The following ARHGEF12 variants were observed in gnomAD, a reference collection of about 807,000 sequenced individuals.
ARHGEF12 encodes the protein Rho guanine nucleotide exchange factor 12.
ARHGEF12 carries 66 observed loss-of-function variants against 211.2 expected under a neutral mutation model. The ratio of observed to expected loss-of-function variants is 0.31; its 90% CI spans 0.26 to 0.38. The LOEUF (loss-of-function observed/expected upper bound fraction) is 0.38, where lower values mean the gene tolerates loss of function less well. ARHGEF12 is among the 10% of genes least tolerant of loss of function. The pLI is 1.00. For missense variants in ARHGEF12, 1,429 were observed against 1,869.5 expected (o/e 0.76, Z 4.34); for synonymous variants, 592 against 638.4 (o/e 0.93, Z 1.09).
At chr11:120,388,612 C>T (rs1944113396) in intron 1 of ARHGEF12, among the ~76,000 whole-genome samples, 1 of 152,236 alleles carries the variant, frequency 6.6e-6, no homozygotes, top group Non-Finnish European at 1.5e-5. Context: ...TGCACAACTT[C>T]ATTAATAGTT....
chr11:120,445,905 A>T (rs949514200), intron 16 of ARHGEF12, among the ~76,000 whole-genome samples: 1 of 151,038 alleles, frequency 6.6e-6, no homozygotes, highest in Admixed American at 6.6e-5. Flanking sequence ...GTCTCAAAAA[A>T]AATAATAATA....
At chr11:120,365,338 A>G (rs1591505083) in intron 1 of ARHGEF12, among the ~76,000 whole-genome samples, 1 of 152,322 alleles carries the variant, frequency 6.6e-6, no homozygotes, top group African/African-American at 2.4e-5. Flanking sequence ...TCTTGAGACT[A>G]GGAATGCAAA....
In ARHGEF12 at chr11:120,441,701, C is replaced by A; in HGVS notation, c.1093-6C>A. The stretch of plus-strand genomic sequence containing the variant: ...GTTACTGATGCATAATCATTTCTTC[C>A]TCTAGATCAATGGACAGTGCAGCTG... On this transcript the variant is annotated splice_polypyrimidine_tract_variant and splice_region_variant and intron_variant, in intron 13 of 40. Transcript: ENST00000397843. The A allele has an allele frequency of 6.2e-7, 1 of 1,609,822 alleles. No homozygotes were observed. The highest frequency in any genetic ancestry group is 8.5e-7 in the Non-Finnish European group (1 of 1,176,604).
At chr11:120,342,801 C>G (rs908396441) in intron 1 of ARHGEF12, among the ~76,000 whole-genome samples, 2 of 152,146 alleles carry the variant, frequency 1.3e-5, no homozygotes, top group Non-Finnish European at 2.9e-5. Context: ...AATATGAGTA[C>G]CCTCAATGTA....
chr11:120,459,252 A>T lies in ARHGEF12; in HGVS notation c.2459A>T (p.Glu820Val). 1 of 1,613,702 alleles carries T rather than the reference A, an allele frequency of 6.2e-7. No individual in the cohort carries two copies. Among genetic ancestry groups the T allele is most frequent in the South Asian group, 1.1e-5 (1 of 91,050 alleles). ...DQVFYQRVSR[E>V]GILSPSELRK... ...GTGTTCTATCAGCGAGTATCCAGAG[A>T]AGGAATTCTGTCACCCTCAGAGCTA... The change falls in exon 26 of 41, where the codon GAA (glutamate) becomes GTA (valine). Residue 820 changes from glutamate (E) to valine (V), a missense_variant. Glu to Val is a moderately radical substitution (Grantham distance 121). Coordinates refer to ENST00000397843, the MANE Select transcript of ARHGEF12 (RefSeq NM_015313.3).
rs114540799 is a variant in ARHGEF12, at chr11:120,486,367, C to T, written c.*1290C>T. ...CTTCACTGCCGCAGCTCTTTCCACA[C>T]GGGGCCGTGATTGACCCTAAAAATT... is the stretch of plus-strand genomic sequence containing the variant. On this transcript the variant is annotated 3_prime_UTR_variant, in exon 41 of 41. Coordinates refer to ENST00000397843, the MANE Select transcript of ARHGEF12 (RefSeq NM_015313.3). 8.9e-3 allele frequency: 2,062 copies of T among 232,910 alleles called. 28 individuals are homozygous for T. Among genetic ancestry groups the T allele is most frequent in the African/African-American group, 0.039 (1,791 of 45,400 alleles). 14.4% of individuals were successfully genotyped at this position (232,910 alleles called of 1,614,324 possible).
At chr11:120,453,551 C>T (rs1946273362) in intron 22 of ARHGEF12, among the ~76,000 whole-genome samples, 1 of 152,078 alleles carries the variant, frequency 6.6e-6, no homozygotes, top group African/African-American at 2.4e-5. Context: ...AAGACTGTCT[C>T]TACAAAAAAT....
chr11:120,444,578 G>A (rs778368955), intron 15 of ARHGEF12, among the ~76,000 whole-genome samples: 25 of 152,150 alleles, frequency 1.6e-4, no homozygotes, highest in Non-Finnish European at 2.4e-4. Context: ...AATTTTTAGC[G>A]GTGACTTATT....
chr11:120,363,559 A>G (rs1943338070), intron 1 of ARHGEF12, among the ~76,000 whole-genome samples: 1 of 152,232 alleles, frequency 6.6e-6, no homozygotes, highest in African/African-American at 2.4e-5. Context: ...GTTACCTTTA[A>G]AGAAAAACAT....
At chr11:120,338,235 G>GA (rs1272905754) in intron 1 of ARHGEF12, among the ~76,000 whole-genome samples, 3 of 152,144 alleles carry the variant, frequency 2.0e-5, no homozygotes, top group Non-Finnish European at 2.9e-5. Flanking sequence ...ATTACACCGT[G>GA]AAAAAATAGA....
chr11:120,410,256 T>C (rs1944839798), intron 4 of ARHGEF12: 1 of 151,658 alleles, frequency 6.6e-6, no homozygotes, highest in Non-Finnish European at 1.5e-5. Flanking sequence ...TTGCCCTCTT[T>C]CCTTCTTTTG....
intron 25 of ARHGEF12, chr11:120,458,593 G>A (rs1050694940): frequency 2.2e-5 from 5 of 230,764 alleles, no homozygotes; most frequent in African/African-American, 7.1e-5. Context: ...AGCTAATAAC[G>A]TGTAAGGAAA....
intron 1 of ARHGEF12, among the ~76,000 whole-genome samples, chr11:120,360,502 C>A (rs1437442665): frequency 6.6e-6 from 1 of 152,284 alleles, no homozygotes; most frequent in East Asian, 1.9e-4. Context: ...TAGTGATCCT[C>A]CCACCTCAGC....
chr11:120,416,935 T>C (rs933968835), intron 4 of ARHGEF12, among the ~76,000 whole-genome samples: 11 of 152,198 alleles, frequency 7.2e-5, no homozygotes, highest in Non-Finnish European at 1.2e-4. Flanking sequence ...GAATTGATTC[T>C]CTTAAGGATC....
chr11:120,474,592 T>C lies in ARHGEF12; in HGVS notation c.3066T>C (p.His1022=), dbSNP rs1329905407. ...NLDLTKRKMI[H]EGPLVWKVNR... is the part of the protein sequence containing the mutation. Reference sequence around the variant, plus strand: ...ATTTAACAAAAAGGAAGATGATTCATGAAGGGCCATTGGTTTGGAAGGTGA... The same window carrying C: ...ATTTAACAAAAAGGAAGATGATTCACGAAGGGCCATTGGTTTGGAAGGTGA... Residue 1022 remains histidine (H), a synonymous_variant, in exon 32 of 41, where the codon CAT becomes CAC. Coordinates refer to ENST00000397843, the MANE Select transcript of ARHGEF12 (RefSeq NM_015313.3). 1 of 1,612,354 alleles carries C rather than the reference T, an allele frequency of 6.2e-7. No homozygotes were observed. Among genetic ancestry groups the C allele is most frequent in the South Asian group, 1.1e-5 (1 of 90,558 alleles).
rs569037968 is a variant in ARHGEF12, at chr11:120,484,114, A to G, written c.4555-324A>G. 2.0e-5 allele frequency among the ~76,000 whole-genome samples: 3 copies of G among 152,328 alleles called. No homozygotes were observed. The South Asian group carries it at 6.2e-4, about 32-fold the overall frequency. ...AGGCCGCCATGTCTTTATGTGCTGC[A>G]TGACTATAGCTCATGCACATGATGA... On this transcript the variant is annotated intron_variant, in intron 39 of 40. Coordinates refer to ENST00000397843, the MANE Select transcript of ARHGEF12 (RefSeq NM_015313.3).
intron 1 of ARHGEF12, among the ~76,000 whole-genome samples, chr11:120,356,545 T>C (rs1943136420): frequency 6.6e-6 from 1 of 152,188 alleles, no homozygotes; most frequent in Non-Finnish European, 1.5e-5. Context: ...CATGTACACT[T>C]TGTCTTTATT....
chr11:120,401,417 T>C (rs1460668273), intron 1 of ARHGEF12, among the ~76,000 whole-genome samples: 3 of 152,226 alleles, frequency 2.0e-5, no homozygotes, highest in Admixed American at 6.5e-5. Context: ...AAATGTCCTC[T>C]TAGCTGTTTT....
At chr11:120,431,733 G>A (rs781379325) in intron 10 of ARHGEF12, 38 bp from the exon 11 acceptor site, 1 of 1,530,712 alleles carries the variant, frequency 6.5e-7, no homozygotes, top group South Asian at 1.3e-5. Flanking sequence ...TTTCTTTTAT[G>A]TGTTTGTGTG....
Sources: allele counts gnomAD v4.1 joint callset (sites outside exome capture counted in the v4.1 genomes callset), GRCh38; gene constraint gnomAD v4.1.1; transcripts MANE v1.5; gene names NCBI Gene and HGNC (gene_info 2026-07-23, HGNC 2026-07-21).